Variants in NEK11 observed in about 807,000 individuals in gnomAD.
NEK11 encodes serine/threonine-protein kinase Nek11.
A neutral mutation model predicts 80.7 loss-of-function variants in NEK11; 72 were observed. The observed-to-expected ratio is 0.89, with a 90% confidence interval of 0.74 to 1.08. The LOEUF (loss-of-function observed/expected upper bound fraction) is 1.08, where lower values mean the gene tolerates loss of function less well. Ranked by LOEUF, NEK11 falls within the 50% of genes least tolerant of loss-of-function variation. The probability of loss-of-function intolerance (pLI) is 0.00; values close to 1 mark genes in which losing one functional copy is unlikely to be tolerated. For missense variants in NEK11, 764 were observed against 763.6 expected (o/e 1.00, Z -0.01); for synonymous variants, 251 against 260.7 (o/e 0.96, Z 0.36).
chr3:131,149,604 C>T (rs976366952), intron 7 of NEK11, among the ~76,000 whole-genome samples: 9 of 151,886 alleles, frequency 5.9e-5, no homozygotes, highest in Admixed American at 4.6e-4. Context: ...CTTCTTGTGT[C>T]GTAAGTTGTG....
Position 131,220,422 on chromosome 3 carries a change from G to T in NEK11, c.1400-8106G>T, listed in dbSNP as rs914109466. Among the ~76,000 whole-genome samples, 9 of 152,078 alleles carry T rather than the reference G, an allele frequency of 5.9e-5. No individual in the cohort carries two copies. In the East Asian group the frequency reaches 1.7e-3, roughly 29 times the overall value. ...TTTTTGGGAAATTAAGAAATGCTTT[G>T]ATGGCTGTCATGTTAATACAAATAA... On this transcript the variant is annotated intron_variant, in intron 14 of 17. Transcript: ENST00000383366.
At position 131,189,408 on chromosome 3, in the gene NEK11, A is replaced by G. The variant is rs76214236; in HGVS notation, c.1399+18521A>G. Among the ~76,000 whole-genome samples, 96 of 152,314 alleles carry G rather than the reference A, an allele frequency of 6.3e-4. No homozygotes were observed. The East Asian group carries it at 0.017, about 27-fold the overall frequency. On this transcript the variant is annotated intron_variant, in intron 14 of 17. Coordinates refer to ENST00000383366, the MANE Select transcript of NEK11 (RefSeq NM_024800.5). The stretch of plus-strand genomic sequence containing the variant: ...CTGGAGACTGGGAAATCCAACATCA[A>G]TGCATTGGCAGATTCAGTGTCTGGC...
In NEK11 at chr3:131,050,238, A is replaced by G. The variant is rs570331704; in HGVS notation, c.170+20360A>G. 2.0e-5 allele frequency among the ~76,000 whole-genome samples: 3 copies of G among 152,358 alleles called. No individual in the cohort carries two copies. In the East Asian group the frequency reaches 5.8e-4, roughly 29 times the overall value. ...TAAAGGTGGAATCATTTTGCCACTT[A>G]TGAATATCCAACAGATCATCAGGAG... is the stretch of plus-strand genomic sequence containing the variant. On this transcript the variant is annotated intron_variant, in intron 3 of 17. Transcript: ENST00000383366.
At chr3:131,155,235 A>T in intron 10 of NEK11, 114 bp downstream of exon 10, 1 of 667,616 alleles carries the variant, frequency 1.5e-6, no homozygotes, top group East Asian at 2.7e-5. Flanking sequence ...GAATTCACTT[A>T]AGTCTTGCCA....
intron 7 of NEK11, among the ~76,000 whole-genome samples, chr3:131,151,640 A>T (rs1363769071): frequency 6.6e-6 from 1 of 152,096 alleles, no homozygotes; most frequent in Non-Finnish European, 1.5e-5. Context: ...AAAATAATTC[A>T]TTATTCAGGA....
At chr3:131,336,513 C>T (rs1432884529) in intron 17 of NEK11, among the ~76,000 whole-genome samples, 1 of 152,152 alleles carries the variant, frequency 6.6e-6, no homozygotes, top group East Asian at 1.9e-4. Flanking sequence ...ACCATAAAAA[C>T]CCTAGAAGAA....
chr3:131,077,009 C>A (rs9289384), intron 3 of NEK11, among the ~76,000 whole-genome samples: 47,517 of 152,054 alleles, frequency 0.31, 9,186 homozygotes, highest in Middle Eastern at 0.46. Context: ...TCATCTTCCC[C>A]ATTTCTGCAA....
chr3:131,266,162 C>A (rs769117452), intron 16 of NEK11, among the ~76,000 whole-genome samples: 1 of 152,098 alleles, frequency 6.6e-6, no homozygotes, highest in Admixed American at 6.5e-5. Flanking sequence ...TAAACCAACT[C>A]CTGGATTCAT....
At chr3:131,085,665 G>A (rs1467123965) in intron 4 of NEK11, among the ~76,000 whole-genome samples, 2 of 152,190 alleles carry the variant, frequency 1.3e-5, no homozygotes, top group Non-Finnish European at 2.9e-5. Flanking sequence ...AAAAGGCTCA[G>A]AGGTAGAAAA....
chr3:131,201,876 C>T (rs567460255), intron 14 of NEK11, among the ~76,000 whole-genome samples: 3 of 152,136 alleles, frequency 2.0e-5, no homozygotes, highest in South Asian at 2.1e-4. Flanking sequence ...GTTCTGTCGC[C>T]CAGGCTGGAG....
At chr3:131,041,942 C>T (rs2066552204) in intron 3 of NEK11, among the ~76,000 whole-genome samples, 1 of 152,074 alleles carries the variant, frequency 6.6e-6, no homozygotes, top group Admixed American at 6.6e-5. Flanking sequence ...TGGGTACAGC[C>T]CACGGAGGGC....
At chr3:131,079,740 T>C (rs1386128304) in intron 3 of NEK11, among the ~76,000 whole-genome samples, 1 of 152,182 alleles carries the variant, frequency 6.6e-6, no homozygotes, top group African/African-American at 2.4e-5. Context: ...TCTATTAATG[T>C]TTTTAGTTAA....
intron 5 of NEK11, among the ~76,000 whole-genome samples, chr3:131,112,453 G>C (rs1414576843): frequency 6.6e-6 from 1 of 152,072 alleles, no homozygotes; most frequent in Non-Finnish European, 1.5e-5. Context: ...AAGAAACCTG[G>C]GATGTTAGAA....
At chr3:131,195,040 A>G (rs1043607225) in intron 14 of NEK11, among the ~76,000 whole-genome samples, 1 of 152,120 alleles carries the variant, frequency 6.6e-6, no homozygotes, top group South Asian at 2.1e-4. Flanking sequence ...AGGAGCCCTC[A>G]TCTCATCTCA....
rs1030197375 is a variant in NEK11, at chr3:131,101,355, A to T, written c.337-8448A>T. On this transcript the variant is annotated intron_variant, in intron 4 of 17. Coordinates refer to ENST00000383366, the MANE Select transcript of NEK11 (RefSeq NM_024800.5). ...AATTTGAGCTCTTTCTAACTTCTTG[A>T]TGAAGGTATTTAGTACTATAAACTT... 2.6e-5 allele frequency among the ~76,000 whole-genome samples: 4 copies of T among 151,952 alleles called. No homozygotes were observed. In the South Asian group the frequency reaches 8.3e-4, roughly 31 times the overall value.
intron 14 of NEK11, among the ~76,000 whole-genome samples, chr3:131,204,897 AGGGC>A (rs2094397275): frequency 6.6e-6 from 1 of 152,106 alleles, no homozygotes; most frequent in African/African-American, 2.4e-5. Flanking sequence ...TGATGGGGAG[AGGGC>A]ATTGAACCTT....
intron 14 of NEK11, chr3:131,175,225 A>C: frequency 1.8e-6 from 1 of 567,528 alleles, no homozygotes. Flanking sequence ...CTGAAAGAAA[A>C]CCTTTACTCA....
chr3:131,044,422 CAA>C (rs57412173), intron 3 of NEK11, among the ~76,000 whole-genome samples: 4 of 37,760 alleles, frequency 1.1e-4, no homozygotes, highest in African/African-American at 4.6e-4. Flanking sequence ...AAATGGAAAG[CAA>C]AAAAAAAAAA....
intron 10 of NEK11, 28 bp from the exon 11 acceptor site, chr3:131,162,380 A>G (rs112680384): frequency 1.2e-6 from 2 of 1,610,288 alleles, no homozygotes; most frequent in South Asian, 1.1e-5. Flanking sequence ...GGGATGGGCT[A>G]TATGAGGGGA....
Sources: allele counts gnomAD v4.1 joint callset (sites outside exome capture counted in the v4.1 genomes callset), GRCh38; gene constraint gnomAD v4.1.1; transcripts MANE v1.5; gene names NCBI Gene and HGNC (gene_info 2026-07-23, HGNC 2026-07-21).